The following WWOX variants were observed in gnomAD, a reference collection of about 807,000 sequenced individuals.
WWOX encodes WW domain-containing oxidoreductase.
A neutral mutation model predicts 46.2 loss-of-function variants in WWOX; 69 were observed. That is an observed-to-expected ratio of 1.49 (90% CI 1.23 to 1.82). The LOEUF (loss-of-function observed/expected upper bound fraction) is 1.82. WWOX is among the 40% of genes most tolerant of loss of function. The pLI is 0.00. For missense variants in WWOX, 919 were observed against 542.6 expected (o/e 1.69, Z -6.89); for synonymous variants, 359 against 202.6 (o/e 1.77, Z -6.56).
intron 8 of WWOX, among the ~76,000 whole-genome samples, chr16:78,788,786 C>G (rs1469081262): frequency 1.3e-5 from 2 of 152,220 alleles, no homozygotes; most frequent in Non-Finnish European, 2.9e-5. Context: ...TCTGAAGTCT[C>G]TGACTTGCTA....
intron 8 of WWOX, among the ~76,000 whole-genome samples, chr16:78,453,365 G>T (rs1002130984): frequency 2.0e-5 from 3 of 151,790 alleles, no homozygotes; most frequent in Non-Finnish European, 4.4e-5. Context: ...GGAGGTGGCA[G>T]TGAGTGGAGA....
intron 8 of WWOX, among the ~76,000 whole-genome samples, chr16:78,440,977 C>G (rs925204546): frequency 6.6e-6 from 1 of 152,016 alleles, no homozygotes; most frequent in African/African-American, 2.4e-5. Flanking sequence ...AAGTCTTGCT[C>G]TGTCACCTAG....
At chr16:78,270,218 T>C (rs538257492) in intron 5 of WWOX, 4 of 152,284 alleles carry the variant, frequency 2.6e-5, no homozygotes, top group African/African-American at 9.6e-5. Context: ...TTGGACACAG[T>C]GATCCTCGGG....
intron 8 of WWOX, among the ~76,000 whole-genome samples, chr16:78,939,730 C>A (rs764528124): frequency 2.6e-5 from 4 of 152,170 alleles, no homozygotes; most frequent in African/African-American, 4.8e-5. Flanking sequence ...TGGGAAAAAT[C>A]CCCATTTCTG....
intron 8 of WWOX, among the ~76,000 whole-genome samples, chr16:78,595,857 T>G (rs538921015): frequency 2.6e-5 from 4 of 152,382 alleles, no homozygotes; most frequent in Non-Finnish European, 5.9e-5. Flanking sequence ...TTAACTGTAT[T>G]CACCTTTCTG....
chr16:78,955,243 G>A (rs561932775), intron 8 of WWOX, among the ~76,000 whole-genome samples: 7 of 152,292 alleles, frequency 4.6e-5, no homozygotes, highest in Non-Finnish European at 7.3e-5. Flanking sequence ...ATGATGTTCA[G>A]TGCATCTTCA....
At chr16:78,842,162 C>G (rs550469846) in intron 8 of WWOX, among the ~76,000 whole-genome samples, 1 of 151,930 alleles carries the variant, frequency 6.6e-6, no homozygotes, top group Non-Finnish European at 1.5e-5. Flanking sequence ...TCATTTTCAA[C>G]CGATTCAGCA....
chr16:79,019,186 G>GAAAA (rs112613038), intron 8 of WWOX, among the ~76,000 whole-genome samples: 6 of 47,030 alleles, frequency 1.3e-4, no homozygotes, highest in Admixed American at 2.6e-4. Context: ...AAAAAAAAAA[G>GAAAA]AAAAAAAAAA....
rs557927347 is a variant in WWOX at position 78,416,853 on chromosome 16, G to A, written c.606-8017G>A. On this transcript the variant is annotated intron_variant, in intron 6 of 8. Coordinates refer to ENST00000566780, the MANE Select transcript of WWOX (RefSeq NM_016373.4). The stretch of plus-strand genomic sequence containing the variant: ...GGCTTTACTTCTCACAACCATGGGA[G>A]GAGTATATTTAGTTTACAGGGGAGG... Among the ~76,000 whole-genome samples the A allele has an allele frequency of 3.3e-5, 5 of 152,344 alleles. No homozygotes were observed. The South Asian group carries it at 8.3e-4, about 25-fold the overall frequency.
chr16:78,982,187 C>G (rs1177098051), intron 8 of WWOX, among the ~76,000 whole-genome samples: 1 of 152,222 alleles, frequency 6.6e-6, no homozygotes, highest in East Asian at 1.9e-4. Flanking sequence ...CAAACAGCCT[C>G]TTTCGTGCAC....
At chr16:78,879,929 G>C (rs1012095531) in intron 8 of WWOX, among the ~76,000 whole-genome samples, 1 of 151,728 alleles carries the variant, frequency 6.6e-6, no homozygotes, top group Non-Finnish European at 1.5e-5. Flanking sequence ...GGAATCTCTA[G>C]GGTCTCTGGT....
intron 8 of WWOX, among the ~76,000 whole-genome samples, chr16:78,693,813 T>G (rs986969224): frequency 6.6e-6 from 1 of 152,194 alleles, no homozygotes; most frequent in East Asian, 1.9e-4. Flanking sequence ...GTGATTTCAT[T>G]CTTCATGCTT....
intron 8 of WWOX, among the ~76,000 whole-genome samples, chr16:79,023,436 GCTGA>G (rs2047574936): frequency 6.6e-6 from 1 of 152,140 alleles, no homozygotes; most frequent in African/African-American, 2.4e-5. Flanking sequence ...AAAGGATGGG[GCTGA>G]CTGAGACTGG....
intron 8 of WWOX, among the ~76,000 whole-genome samples, chr16:78,960,751 C>G (rs775515720): frequency 6.6e-6 from 1 of 152,140 alleles, no homozygotes; most frequent in East Asian, 1.9e-4. Flanking sequence ...CCAAAAGGAG[C>G]CTATGTAGCT....
At chr16:78,701,244 C>A (rs1038443094) in intron 8 of WWOX, among the ~76,000 whole-genome samples, 3 of 152,062 alleles carry the variant, frequency 2.0e-5, no homozygotes, top group African/African-American at 7.2e-5. Context: ...ATGTAAAGAA[C>A]TAGGGATATC....
chr16:78,560,790 T>C (rs1337831721), intron 8 of WWOX, among the ~76,000 whole-genome samples: 1 of 152,236 alleles, frequency 6.6e-6, no homozygotes, highest in Non-Finnish European at 1.5e-5. Context: ...GGCATGGTCA[T>C]TGTGAATGCC....
At chr16:78,813,062 C>T (rs1241518170) in intron 8 of WWOX, among the ~76,000 whole-genome samples, 2 of 150,212 alleles carry the variant, frequency 1.3e-5, no homozygotes, top group African/African-American at 2.4e-5. Context: ...TAGGAAAATA[C>T]TGAGATACTT....
chr16:78,952,431 G>C (rs545033490), intron 8 of WWOX, among the ~76,000 whole-genome samples: 2 of 148,476 alleles, frequency 1.3e-5, no homozygotes, highest in African/African-American at 5.0e-5. Flanking sequence ...CCCCCACGCT[G>C]GAGTACAGTG....
intron 5 of WWOX, among the ~76,000 whole-genome samples, chr16:78,208,071 C>T (rs1202559624): frequency 1.3e-5 from 2 of 152,196 alleles, no homozygotes. Context: ...CCTTGGCTTC[C>T]CAAAATGCTG....
Sources: allele counts gnomAD v4.1 joint callset (sites outside exome capture counted in the v4.1 genomes callset), GRCh38; gene constraint gnomAD v4.1.1; transcripts MANE v1.5; gene names NCBI Gene and HGNC (gene_info 2026-07-23, HGNC 2026-07-21).